Variants in ITGBL1 observed in about 807,000 individuals in gnomAD.
ITGBL1 encodes the protein integrin subunit beta like 1.
A neutral mutation model predicts 68.5 loss-of-function variants in ITGBL1; 51 were observed. The ratio of observed to expected loss-of-function variants is 0.74; its 90% CI spans 0.59 to 0.94. The LOEUF (loss-of-function observed/expected upper bound fraction) is 0.94, where lower values mean the gene tolerates loss of function less well. Among genes scored for constraint, ITGBL1 ranks in the 40% least tolerant of loss-of-function variants. The probability of loss-of-function intolerance (pLI) is 0.00; values close to 1 mark genes in which losing one functional copy is unlikely to be tolerated. For missense variants in ITGBL1, 649 were observed against 647.4 expected (o/e 1.00, Z -0.03); for synonymous variants, 209 against 227.3 (o/e 0.92, Z 0.72).
chr13:101,480,003 G>T (rs1484324821), intron 2 of ITGBL1, among the ~76,000 whole-genome samples: 1 of 152,088 alleles, frequency 6.6e-6, no homozygotes, highest in African/African-American at 2.4e-5. Flanking sequence ...GTATGGAAGA[G>T]ATATCTGCCC....
At chr13:101,702,135 T>A (rs1283160868) in intron 8 of ITGBL1, among the ~76,000 whole-genome samples, 2 of 152,214 alleles carry the variant, frequency 1.3e-5, no homozygotes, top group Non-Finnish European at 2.9e-5. Context: ...GGTTATCAGA[T>A]TCTTGGACAA....
intron 2 of ITGBL1, among the ~76,000 whole-genome samples, chr13:101,541,227 C>T (rs1425550205): frequency 6.6e-6 from 1 of 151,182 alleles, no homozygotes; most frequent in African/African-American, 2.4e-5. Flanking sequence ...AGATACGTCC[C>T]ATCAATACCT....
intron 2 of ITGBL1, among the ~76,000 whole-genome samples, chr13:101,515,850 T>C (rs773369257): frequency 9.2e-5 from 14 of 152,154 alleles, no homozygotes; most frequent in African/African-American, 1.4e-4. Context: ...TAACCGAAAA[T>C]GGCATTTAAC....
intron 2 of ITGBL1, among the ~76,000 whole-genome samples, chr13:101,551,638 C>T (rs1395837780): frequency 6.6e-6 from 1 of 152,124 alleles, no homozygotes; most frequent in Admixed American, 6.5e-5. Flanking sequence ...AAGACATTCA[C>T]CAAGAATTTC....
intron 7 of ITGBL1, among the ~76,000 whole-genome samples, chr13:101,685,543 G>A (rs2033735637): frequency 6.6e-6 from 1 of 151,944 alleles, no homozygotes; most frequent in Non-Finnish European, 1.5e-5. Flanking sequence ...TATAACAATG[G>A]TTGTTATAAA....
chr13:101,677,872 G>A (rs745436738), intron 7 of ITGBL1, among the ~76,000 whole-genome samples: 1 of 152,112 alleles, frequency 6.6e-6, no homozygotes, highest in Non-Finnish European at 1.5e-5. Flanking sequence ...TTCTGCATAT[G>A]TTTGACACGG....
chr13:101,586,080 C>G (rs142533363), intron 6 of ITGBL1, among the ~76,000 whole-genome samples: 1 of 152,114 alleles, frequency 6.6e-6, no homozygotes, highest in Non-Finnish European at 1.5e-5. Flanking sequence ...GTGCAATTCC[C>G]GCAGCGTGTC....
intron 6 of ITGBL1, among the ~76,000 whole-genome samples, chr13:101,585,359 A>G (rs2050534748): frequency 6.6e-6 from 1 of 152,202 alleles, no homozygotes; most frequent in Non-Finnish European, 1.5e-5. Context: ...GGGTTAAACC[A>G]AGAGAATTTC....
At chr13:101,690,999 A>G (rs1007602005) in intron 7 of ITGBL1, among the ~76,000 whole-genome samples, 10 of 152,220 alleles carry the variant, frequency 6.6e-5, no homozygotes, top group Admixed American at 6.5e-4. Flanking sequence ...CACTGCCAAG[A>G]ACCAGTTCCT....
At chr13:101,567,137 G>C (rs1203692943) in intron 2 of ITGBL1, among the ~76,000 whole-genome samples, 2 of 152,074 alleles carry the variant, frequency 1.3e-5, no homozygotes, top group Non-Finnish European at 2.9e-5. Flanking sequence ...ATTAAAGATT[G>C]AGAAATTTAT....
chr13:101,482,365 A>G (rs995137388), intron 2 of ITGBL1, among the ~76,000 whole-genome samples: 6 of 151,938 alleles, frequency 3.9e-5, no homozygotes, highest in African/African-American at 1.4e-4. Flanking sequence ...ATCTGAAGTA[A>G]AATGATACTT....
At chr13:101,646,337 G>A (rs2139441841) in intron 7 of ITGBL1, among the ~76,000 whole-genome samples, 1 of 151,998 alleles carries the variant, frequency 6.6e-6, no homozygotes. Context: ...CATTCTTAAT[G>A]TGAAAAAGCC....
At chr13:101,554,042 G>A (rs975607361) in intron 2 of ITGBL1, among the ~76,000 whole-genome samples, 2 of 152,154 alleles carry the variant, frequency 1.3e-5, no homozygotes, top group Middle Eastern at 3.4e-3. Flanking sequence ...CCAAAGTTCT[G>A]GGATTACAGG....
At chr13:101,532,572 CT>C (rs2049502990) in intron 2 of ITGBL1, among the ~76,000 whole-genome samples, 1 of 152,216 alleles carries the variant, frequency 6.6e-6, no homozygotes, top group Admixed American at 6.5e-5. Flanking sequence ...CTTCTTCACT[CT>C]CTGGTGCTTA....
At chr13:101,461,782 A>G (rs1241927397) in intron 2 of ITGBL1, among the ~76,000 whole-genome samples, 2 of 152,178 alleles carry the variant, frequency 1.3e-5, no homozygotes, top group Non-Finnish European at 2.9e-5. Context: ...TTATGAAGTA[A>G]GACGAGACAT....
Position 101,661,058 on chromosome 13 carries a change from G to A in ITGBL1, c.1016-31527G>A, listed in dbSNP as rs1006879418. On this transcript the variant is annotated intron_variant, in intron 7 of 10. Transcript: ENST00000376180. ...AAGGAAACAACAACAGACAGTAGTAGCAGATGCATAAATGACCAGTTATTA... is the reference window on the plus strand; with the variant it reads ...AAGGAAACAACAACAGACAGTAGTAACAGATGCATAAATGACCAGTTATTA... 1.1e-4 allele frequency among the ~76,000 whole-genome samples: 17 copies of A among 152,020 alleles called. No individual in the cohort carries two copies. In the East Asian group the frequency reaches 2.7e-3, roughly 24 times the overall value.
At chr13:101,653,205 A>AGGG (rs2032809348) in intron 7 of ITGBL1, among the ~76,000 whole-genome samples, 3 of 149,956 alleles carry the variant, frequency 2.0e-5, no homozygotes, top group Admixed American at 1.3e-4. Flanking sequence ...GAGGGGAGGA[A>AGGG]AGGAGAAAGG....
intron 7 of ITGBL1, among the ~76,000 whole-genome samples, chr13:101,674,680 T>A (rs967844561): frequency 2.2e-4 from 34 of 152,208 alleles, no homozygotes; most frequent in African/African-American, 7.7e-4. Context: ...TGACTAAATC[T>A]ACTTATATAA....
chr13:101,662,734 T>G (rs1199141218), intron 7 of ITGBL1, among the ~76,000 whole-genome samples: 1 of 152,096 alleles, frequency 6.6e-6, no homozygotes, highest in African/African-American at 2.4e-5. Flanking sequence ...CACCGTTCAG[T>G]TTTTCTCGGT....
Sources: allele counts gnomAD v4.1 joint callset (sites outside exome capture counted in the v4.1 genomes callset), GRCh38; gene constraint gnomAD v4.1.1; transcripts MANE v1.5; gene names NCBI Gene and HGNC (gene_info 2026-07-23, HGNC 2026-07-21).